Variants in OR3A2 observed in about 807,000 individuals in gnomAD.
The protein encoded by OR3A2 is olfactory receptor family 3 subfamily A member 2, also known as olfactory receptor 3A2.
For missense variants in OR3A2, 318 were observed against 392.8 expected (o/e 0.81, Z 1.61); for synonymous variants, 126 against 159.3 (o/e 0.79, Z 1.57).
intron 2 of OR3A2, among the ~76,000 whole-genome samples, chr17:3,364,539 TGTA>T (rs2049547226): frequency 6.6e-6 from 1 of 152,176 alleles, no homozygotes; most frequent in South Asian, 2.1e-4. Context: ...TACTCTCTAC[TGTA>T]GTGAGTTCAC....
intron 2 of OR3A2, among the ~76,000 whole-genome samples, chr17:3,363,643 G>A (rs571934938): frequency 4.0e-5 from 6 of 148,186 alleles, no homozygotes; most frequent in Non-Finnish European, 8.8e-5. Context: ...CACATTTTCA[G>A]ATATCTTTAT....
chr17:3,385,029 T>TA (rs199954442), intron 1 of OR3A2, among the ~76,000 whole-genome samples: 4 of 151,650 alleles, frequency 2.6e-5, no homozygotes, highest in Admixed American at 6.6e-5. Context: ...CGGTCTCTAC[T>TA]AAAAAAAATA....
chr17:3,372,360 G>A (rs2049637186), intron 2 of OR3A2, among the ~76,000 whole-genome samples: 1 of 149,724 alleles, frequency 6.7e-6, no homozygotes, highest in East Asian at 2.3e-4. Context: ...AGGCAGAGGG[G>A]CTCCTCACGT....
Position 3,290,535 on chromosome 17 carries a change from T to C in OR3A2, c.-84-11382A>G, listed in dbSNP as rs147727018. On this transcript the variant is annotated intron_variant, in intron 3 of 4. Transcript: ENST00000573491. ...AATCCCTCACCCCCATAAAATATTA[T>C]AGAGAAGCCAAGTCACAGGTGCCAG... Among the ~76,000 whole-genome samples, 62 of 152,246 alleles carry C rather than the reference T, an allele frequency of 4.1e-4. No individual in the cohort carries two copies. The East Asian group carries it at 9.6e-3, about 24-fold the overall frequency.
chr17:3,371,205 G>T (rs556827473), intron 2 of OR3A2, among the ~76,000 whole-genome samples: 1 of 151,548 alleles, frequency 6.6e-6, no homozygotes, highest in Non-Finnish European at 1.5e-5. Flanking sequence ...GGGCAGAGGC[G>T]CCCCTCACCT....
At chr17:3,357,506 T>C (rs976247537) in intron 2 of OR3A2, among the ~76,000 whole-genome samples, 1 of 151,470 alleles carries the variant, frequency 6.6e-6, no homozygotes, top group South Asian at 2.1e-4. Context: ...GTGTCTAGAA[T>C]AGTCAAACTC....
intron 2 of OR3A2, among the ~76,000 whole-genome samples, chr17:3,358,086 C>T (rs1048478147): frequency 6.6e-6 from 1 of 151,466 alleles, no homozygotes; most frequent in African/African-American, 2.4e-5. Flanking sequence ...CTGGCAGGCT[C>T]ATTGGCCTAG....
At chr17:3,328,018 T>G (rs1270139370) in intron 3 of OR3A2, among the ~76,000 whole-genome samples, 3 of 143,734 alleles carry the variant, frequency 2.1e-5, no homozygotes, top group East Asian at 2.0e-4. Context: ...TCTTTTGGCT[T>G]AGGATTGCCT....
chr17:3,356,147 C>A (rs2049464496), intron 2 of OR3A2, among the ~76,000 whole-genome samples: 1 of 151,268 alleles, frequency 6.6e-6, no homozygotes, highest in African/African-American at 2.5e-5. Flanking sequence ...AAACTTCATC[C>A]CCCACTTTGT....
chr17:3,380,004 A>G (rs541779986), intron 2 of OR3A2, among the ~76,000 whole-genome samples: 21 of 152,304 alleles, frequency 1.4e-4, no homozygotes, highest in African/African-American at 4.6e-4. Context: ...AGAGGCCACC[A>G]TAACTCTCCA....
At chr17:3,373,430 T>C (rs1567571938) in intron 2 of OR3A2, among the ~76,000 whole-genome samples, 1 of 152,188 alleles carries the variant, frequency 6.6e-6, no homozygotes, top group African/African-American at 2.4e-5. Flanking sequence ...ATCTATCTCA[T>C]TTCTTAGTTC....
rs562088035 is a variant in OR3A2 at position 3,369,129 on chromosome 17, C to T, written c.-179+14675G>A. Among the ~76,000 whole-genome samples the T allele has an allele frequency of 8.7e-4, 133 of 152,212 alleles. 1 individual carries two copies. Among genetic ancestry groups the T allele is most frequent in the Non-Finnish European group, 1.5e-3 (101 of 68,008 alleles). On this transcript the variant is annotated intron_variant, in intron 2 of 4. Coordinates refer to the OR3A2 transcript ENST00000573491. ...TTAATTCATTTATCAGATCTAGGAG[C>T]TTTTTGGATGAGTCTTTAGGGTTTT...
chr17:3,366,508 T>C (rs1241548561), intron 2 of OR3A2, among the ~76,000 whole-genome samples: 1 of 152,168 alleles, frequency 6.6e-6, no homozygotes, highest in Non-Finnish European at 1.5e-5. Context: ...CAAAGAGTTT[T>C]TAAAAATTGT....
At chr17:3,339,751 T>C (rs943672660) in intron 2 of OR3A2, among the ~76,000 whole-genome samples, 1 of 152,206 alleles carries the variant, frequency 6.6e-6, no homozygotes, top group African/African-American at 2.4e-5. Flanking sequence ...GTTGTGTCTC[T>C]ACCAGGCTTT....
intron 2 of OR3A2, among the ~76,000 whole-genome samples, chr17:3,345,075 A>T (rs999169145): frequency 1.3e-5 from 2 of 152,224 alleles, no homozygotes; most frequent in African/African-American, 2.4e-5. Flanking sequence ...GCAGGGGAAG[A>T]TAAGATCCAG....
At chr17:3,342,467 T>C (rs553507585) in intron 2 of OR3A2, among the ~76,000 whole-genome samples, 8 of 152,252 alleles carry the variant, frequency 5.3e-5, no homozygotes, top group Admixed American at 5.2e-4. Context: ...GATGTCCTTT[T>C]TGTTGATGTT....
chr17:3,369,226 A>C (rs968040412), intron 2 of OR3A2, among the ~76,000 whole-genome samples: 3 of 152,054 alleles, frequency 2.0e-5, no homozygotes, highest in African/African-American at 4.8e-5. Context: ...GATGCCCTTT[A>C]TTTCTTTCTC....
At chr17:3,359,527 T>C (rs1949490848) in intron 2 of OR3A2, among the ~76,000 whole-genome samples, 2 of 151,752 alleles carry the variant, frequency 1.3e-5, no homozygotes, top group African/African-American at 4.9e-5. Flanking sequence ...CTCCCTCACT[T>C]AGGAAACTTA....
chr17:3,372,934 C>T (rs548316211), intron 2 of OR3A2, among the ~76,000 whole-genome samples: 2 of 145,402 alleles, frequency 1.4e-5, no homozygotes, highest in African/African-American at 5.1e-5. Flanking sequence ...TTGATGTAGG[C>T]ATATAATGCT....
Sources: allele counts gnomAD v4.1 joint callset (sites outside exome capture counted in the v4.1 genomes callset), GRCh38; gene constraint gnomAD v4.1.1; transcripts MANE v1.5; gene names NCBI Gene and HGNC (gene_info 2026-07-23, HGNC 2026-07-21).